The following KLHDC4 variants were observed in gnomAD, a reference collection of about 807,000 sequenced individuals.
KLHDC4 encodes kelch domain-containing protein 4.
KLHDC4 carries 90 observed loss-of-function variants against 62.4 expected under a neutral mutation model. That is an observed-to-expected ratio of 1.44 (90% CI 1.22 to 1.72). The LOEUF is 1.72. Ranked by LOEUF, KLHDC4 falls within the 40% of genes most tolerant of loss-of-function variation. KLHDC4 has a pLI of 0.00. For synonymous variants in KLHDC4, 386 were observed against 284.4 expected (o/e 1.36, Z -3.59); for missense variants, 1,025 against 699.7 (o/e 1.47, Z -5.25).
At chr16:87,758,455 A>G (rs1265285392) in intron 2 of KLHDC4, among the ~76,000 whole-genome samples, 1 of 152,172 alleles carries the variant, frequency 6.6e-6, no homozygotes, top group Non-Finnish European at 1.5e-5. Context: ...TCACAAAAAG[A>G]CACTTCTATG....
At chr16:87,708,783 C>T (rs561017773) in intron 10 of KLHDC4, among the ~76,000 whole-genome samples, 4 of 152,334 alleles carry the variant, frequency 2.6e-5, no homozygotes, top group African/African-American at 9.6e-5. Context: ...CCTGTGCCAA[C>T]AGTTCACCAC....
At chr16:87,705,049 A>G (rs113247306), downstream of KLHDC4, among the ~76,000 whole-genome samples, 4,478 of 152,202 alleles carry the variant, frequency 0.029, 84 homozygotes, top group Middle Eastern at 0.082. Context: ...ACGCCCGCCC[A>G]CCCTGCAGTC....
chr16:87,728,280 T>C (rs2039730775), intron 6 of KLHDC4, among the ~76,000 whole-genome samples: 1 of 152,158 alleles, frequency 6.6e-6, no homozygotes, highest in South Asian at 2.1e-4. Flanking sequence ...ATAGATAGAA[T>C]CTGAGGAATG....
intron 5 of KLHDC4, among the ~76,000 whole-genome samples, chr16:87,735,875 C>T (rs1031304829): frequency 7.2e-5 from 11 of 152,202 alleles, no homozygotes; most frequent in African/African-American, 2.7e-4. Context: ...AGTGTCACCA[C>T]CAGGCCCCTC....
Position 87,730,645 on chromosome 16 carries a change from C to T in KLHDC4, c.507-1G>A, listed in dbSNP as rs2040184461. 1 of 1,611,778 alleles carries T rather than the reference C, an allele frequency of 6.2e-7. No individual in the cohort carries two copies. Among genetic ancestry groups the T allele is most frequent in the Non-Finnish European group, 8.5e-7 (1 of 1,179,368 alleles). On this transcript the variant is annotated splice_acceptor_variant, in intron 5 of 11. Transcript: ENST00000270583. LOFTEE classifies it high-confidence loss of function. ...CCGACCCGAAGGACCGCCTGTTGATCTAAAATGAAATAAACAAAAAGACAC... is the reference window on the plus strand; with the variant it reads ...CCGACCCGAAGGACCGCCTGTTGATTTAAAATGAAATAAACAAAAAGACAC...
chr16:87,762,188 G>A (rs2045987455), intron 1 of KLHDC4, 148 bp from the exon 2 acceptor site: 4 of 1,447,348 alleles, frequency 2.8e-6, no homozygotes, highest in African/African-American at 1.4e-5. Context: ...TTGAAATGCA[G>A]AGTTTGACAC....
chr16:87,765,664 G>C (rs926997139), intron 1 of KLHDC4, 128 bp downstream of exon 1: 1 of 863,802 alleles, frequency 1.2e-6, no homozygotes, highest in South Asian at 1.8e-5. Context: ...CAGTTCCTAC[G>C]GCCTCCAGCT....
chr16:87,742,705 C>T (rs762946437), intron 5 of KLHDC4, among the ~76,000 whole-genome samples: 2 of 152,094 alleles, frequency 1.3e-5, no homozygotes, highest in Non-Finnish European at 2.9e-5. Flanking sequence ...CTCCTGGGCT[C>T]CCTAGGGTCT....
At chr16:87,714,943 C>T (rs1215184229) in intron 7 of KLHDC4, among the ~76,000 whole-genome samples, 1 of 152,206 alleles carries the variant, frequency 6.6e-6, no homozygotes, top group African/African-American at 2.4e-5. Flanking sequence ...CACCGCCTTC[C>T]AAATAACACG....
At chr16:87,722,813 G>A (rs910468050) in intron 7 of KLHDC4, among the ~76,000 whole-genome samples, 2 of 152,364 alleles carry the variant, frequency 1.3e-5, no homozygotes, top group Middle Eastern at 3.4e-3. Flanking sequence ...CCGGGGAGGC[G>A]CCAGGTCTGG....
At chr16:87,707,145 C>A (rs977540790), downstream of KLHDC4, among the ~76,000 whole-genome samples, 1 of 152,254 alleles carries the variant, frequency 6.6e-6, no homozygotes, top group Non-Finnish European at 1.5e-5. Context: ...CCCAATTATG[C>A]AAATCCGAAT....
intron 7 of KLHDC4, among the ~76,000 whole-genome samples, chr16:87,725,411 C>T (rs1016964910): frequency 1.3e-5 from 2 of 152,204 alleles, no homozygotes; most frequent in East Asian, 1.9e-4. Flanking sequence ...GTGAGCCGCC[C>T]GCCTCGGCCT....
At chr16:87,756,252 G>A (rs527635072) in intron 3 of KLHDC4, 147 bp downstream of exon 3, 152 of 594,524 alleles carry the variant, frequency 2.6e-4, no homozygotes, top group African/African-American at 2.1e-3. Flanking sequence ...GCATCCTGGC[G>A]ACGTCTCACA....
chr16:87,752,089 C>CAAAAAAA (rs1173625123), intron 4 of KLHDC4, among the ~76,000 whole-genome samples: 1,436 of 29,446 alleles, frequency 0.049, 229 homozygotes, highest in South Asian at 0.079. Context: ...GACTTTGTCT[C>CAAAAAAA]AAAAAAAAAA....
downstream of KLHDC4, among the ~76,000 whole-genome samples, chr16:87,703,616 G>A (rs2034297962): frequency 6.6e-6 from 1 of 152,244 alleles, no homozygotes; most frequent in Admixed American, 6.5e-5. Context: ...ACCCCTCAGT[G>A]AAGCCTGAGT....
At chr16:87,707,725 G>C, downstream of KLHDC4, 1 of 267,112 alleles carries the variant, frequency 3.7e-6, no homozygotes. Flanking sequence ...GGGTGGTCTC[G>C]CCCTAGGCCC....
chr16:87,698,225 A>C (rs2033982777), exon 1 of KLHDC4: 1 of 152,376 alleles, frequency 6.6e-6, no homozygotes, highest in Non-Finnish European at 1.5e-5. Context: ...TGGTGGGGGC[A>C]TAGGAGAGGG....
At position 87,762,019 on chromosome 16, in the gene KLHDC4, C is replaced by A; in HGVS notation, c.121G>T (p.Ala41Ser). The A allele has an allele frequency of 1.9e-6, 3 of 1,613,990 alleles. No individual in the cohort carries two copies. Among genetic ancestry groups the A allele is most frequent in the Non-Finnish European group, 2.5e-6 (3 of 1,179,944 alleles). The change falls in exon 2 of 12, where the codon GCC becomes TCC. Residue 41 changes from alanine (A) to serine (S), a missense_variant. Ala to Ser is a moderately conservative substitution (Grantham distance 99). Transcript: ENST00000270583. ...TTGGCATCGAGTGTCTGGAAATGGG[C>A]TATGAGCGCTTCCAGGTCTTCCTAG... ...KEEEDLEALI[A>S]HFQTLDAKRT...
chr16:87,757,546 T>G (rs2045172542), intron 2 of KLHDC4: 1 of 151,574 alleles, frequency 6.6e-6, no homozygotes, highest in Non-Finnish European at 1.5e-5. Flanking sequence ...ACAAACAACT[T>G]TCTATTTATT....
Sources: gnomAD v4.1 joint callset for allele counts (sites outside exome capture counted in the v4.1 genomes callset) on GRCh38, gnomAD v4.1.1 for gene constraint, MANE v1.5 for transcripts, NCBI Gene and HGNC (gene_info 2026-07-23, HGNC 2026-07-21) for gene names.